LUZP2: variants seen among roughly 807,000 people sequenced by gnomAD.
LUZP2 encodes leucine zipper protein 2.
A neutral mutation model predicts 51.6 loss-of-function variants in LUZP2; 52 were observed. The observed-to-expected ratio is 1.01, with a 90% CI of 0.81 to 1.27. The LOEUF (loss-of-function observed/expected upper bound fraction) is 1.27, where lower values mean the gene tolerates loss of function less well. LUZP2 is among the 50% of genes most tolerant of loss of function. The pLI, the probability that LUZP2 is intolerant of heterozygous loss-of-function variation, is 0.00. For missense variants in LUZP2, 436 were observed against 395.4 expected, an observed-to-expected ratio of 1.10 and a Z score of -0.87; for synonymous variants, 154 against 137.3, an observed-to-expected ratio of 1.12 and a Z score of -0.85.
chr11:24,839,291 A>T (rs1396231490), intron 5 of LUZP2, among the ~76,000 whole-genome samples: 2 of 151,682 alleles, frequency 1.3e-5, no homozygotes, highest in Non-Finnish European at 3.0e-5. Context: ...ATTTTCAATC[A>T]TTAGTCTGAT....
intron 8 of LUZP2, among the ~76,000 whole-genome samples, chr11:24,980,368 T>C (rs1855993328): frequency 6.6e-6 from 1 of 151,756 alleles, no homozygotes; most frequent in Non-Finnish European, 1.5e-5. Context: ...ATATGAGAAA[T>C]ACTTTCTTAT....
chr11:24,717,576 T>G (rs997685820), intron 1 of LUZP2, among the ~76,000 whole-genome samples: 15 of 123,882 alleles, frequency 1.2e-4, no homozygotes, highest in Non-Finnish European at 2.3e-4. Context: ...CCCGGCTAAT[T>G]TTTTGTATTT....
intron 4 of LUZP2, among the ~76,000 whole-genome samples, chr11:24,741,906 T>C (rs1252867523): frequency 8.3e-6 from 1 of 120,784 alleles, no homozygotes; most frequent in African/African-American, 4.2e-5. Context: ...TATATATTTC[T>C]ATATAATATA....
intron 5 of LUZP2, among the ~76,000 whole-genome samples, chr11:24,811,826 G>T (rs545419503): frequency 5.1e-4 from 78 of 152,224 alleles, no homozygotes; most frequent in African/African-American, 1.8e-3. Flanking sequence ...TCTGTAGGAA[G>T]TAAGTATAGA....
At chr11:24,995,920 A>C (rs1000047814) in intron 9 of LUZP2, among the ~76,000 whole-genome samples, 1 of 151,800 alleles carries the variant, frequency 6.6e-6, no homozygotes, top group African/African-American at 2.4e-5. Context: ...TACATGACCC[A>C]ATCTTTTTTT....
intron 4 of LUZP2, among the ~76,000 whole-genome samples, chr11:24,741,273 A>T (rs573130459): frequency 2.0e-5 from 3 of 152,154 alleles, no homozygotes; most frequent in African/African-American, 7.2e-5. Flanking sequence ...GGAATCAGAC[A>T]TATTACCTGT....
In LUZP2 at chr11:24,699,895, CA is replaced by C. The variant is rs373327776; in HGVS notation, c.63-29273del. Among the ~76,000 whole-genome samples the C allele has an allele frequency of 6.6e-4, 99 of 151,088 alleles. 2 individuals are homozygous for C. In the South Asian group the frequency reaches 0.013, roughly 20 times the overall value. Reference sequence around the variant, plus strand: ...TTGAACACAAAGGAATTATAATATACAGAGTCTGTATGGAGTAAGAGCCAAC... The same window carrying C: ...TTGAACACAAAGGAATTATAATATACGAGTCTGTATGGAGTAAGAGCCAAC... On this transcript the variant is annotated intron_variant, in intron 1 of 11. Transcript: ENST00000336930.
At chr11:25,008,238 G>T (rs1455467842) in intron 9 of LUZP2, among the ~76,000 whole-genome samples, 1 of 152,208 alleles carries the variant, frequency 6.6e-6, no homozygotes, top group Non-Finnish European at 1.5e-5. Context: ...GGCTGAGCCA[G>T]ATGTGCTGGA....
At chr11:24,500,339 A>G (rs1849956854) in intron 1 of LUZP2, among the ~76,000 whole-genome samples, 1 of 152,210 alleles carries the variant, frequency 6.6e-6, no homozygotes, top group Admixed American at 6.5e-5. Flanking sequence ...AGTTAATGAT[A>G]TGAATAATGT....
At chr11:24,962,763 G>A (rs1369511045) in intron 7 of LUZP2, among the ~76,000 whole-genome samples, 5 of 152,228 alleles carry the variant, frequency 3.3e-5, no homozygotes, top group East Asian at 1.9e-4. Flanking sequence ...CTCTCAACTC[G>A]TCAAAGTCAT....
At chr11:25,050,011 T>C in intron 9 of LUZP2, 27 bp from the exon 10 acceptor site, 1 of 1,397,872 alleles carries the variant, frequency 7.2e-7, no homozygotes, top group Non-Finnish European at 9.8e-7. Flanking sequence ...GATTTCTTTC[T>C]TTCTATCTCT....
chr11:25,054,125 G>A (rs1461939248), intron 10 of LUZP2, among the ~76,000 whole-genome samples: 1 of 152,124 alleles, frequency 6.6e-6, no homozygotes, highest in Non-Finnish European at 1.5e-5. Context: ...TGTGTTCTCT[G>A]TATTCACGGT....
At chr11:24,690,416 C>T (rs1351658207) in intron 1 of LUZP2, among the ~76,000 whole-genome samples, 1 of 151,972 alleles carries the variant, frequency 6.6e-6, no homozygotes, top group African/African-American at 2.4e-5. Flanking sequence ...AAGTTAGAGA[C>T]CTAAGCTCTG....
At chr11:24,776,361 G>C (rs1025414324) in intron 5 of LUZP2, among the ~76,000 whole-genome samples, 1 of 152,110 alleles carries the variant, frequency 6.6e-6, no homozygotes, top group African/African-American at 2.4e-5. Context: ...ACCATGGTCA[G>C]GGAAATGGGC....
chr11:24,831,625 G>A (rs918877389), intron 5 of LUZP2, among the ~76,000 whole-genome samples: 4 of 152,138 alleles, frequency 2.6e-5, no homozygotes, highest in African/African-American at 9.7e-5. Flanking sequence ...CTTAAGAATA[G>A]GAGTCAAACA....
intron 5 of LUZP2, among the ~76,000 whole-genome samples, chr11:24,834,062 T>A (rs529417048): frequency 2.0e-5 from 3 of 152,136 alleles, no homozygotes; most frequent in Admixed American, 1.3e-4. Flanking sequence ...AAAGTTGGAT[T>A]TTTTTTTGTT....
intron 7 of LUZP2, among the ~76,000 whole-genome samples, chr11:24,916,387 C>A (rs543154655): frequency 6.6e-6 from 1 of 151,702 alleles, no homozygotes; most frequent in Non-Finnish European, 1.5e-5. Flanking sequence ...TCACAATGTG[C>A]AAGTTTGTTA....
chr11:24,996,916 A>G (rs374277994), intron 9 of LUZP2, among the ~76,000 whole-genome samples: 2,318 of 150,930 alleles, frequency 0.015, 31 homozygotes, highest in Admixed American at 0.023. Flanking sequence ...ATGATTTCCA[A>G]TTTCATCCAT....
chr11:24,881,872 A>G (rs1319590500), intron 5 of LUZP2, among the ~76,000 whole-genome samples: 1 of 151,778 alleles, frequency 6.6e-6, no homozygotes, highest in African/African-American at 2.4e-5. Context: ...CTTGTAAAAT[A>G]TGTGCATATA....
Sources: allele counts gnomAD v4.1 joint callset (sites outside exome capture counted in the v4.1 genomes callset), GRCh38; gene constraint gnomAD v4.1.1; transcripts MANE v1.5; gene names NCBI Gene and HGNC (gene_info 2026-07-23, HGNC 2026-07-21).